Variants in AZIN1 observed in about 807,000 individuals in gnomAD.
AZIN1 encodes the protein antizyme inhibitor 1.
Under a neutral mutation model 47.4 loss-of-function variants are expected in AZIN1, and 12 were observed. The ratio of observed to expected loss-of-function variants is 0.25; its 90% CI spans 0.16 to 0.41. The LOEUF (loss-of-function observed/expected upper bound fraction) is 0.41, where lower values mean the gene tolerates loss of function less well. AZIN1 is among the 10% of genes least tolerant of loss of function. The pLI, the probability that AZIN1 is intolerant of heterozygous loss-of-function variation, is 1.00. For missense variants in AZIN1, 410 were observed against 532.4 expected, an observed-to-expected ratio of 0.77 and a Z score of 2.26; for synonymous variants, 155 against 176.3, an observed-to-expected ratio of 0.88 and a Z score of 0.96.
At chr8:102,834,385 G>C (rs936084983) in intron 7 of AZIN1, 122 bp from the exon 8 acceptor site, 1 of 746,174 alleles carries the variant, frequency 1.3e-6, no homozygotes, top group African/African-American at 1.8e-5. Context: ...CAAATTCTTG[G>C]TTTTTTACTG....
Position 102,845,416 on chromosome 8 carries a change from T to C in AZIN1, c.-95-1669A>G, listed in dbSNP as rs566573024. 2.0e-5 allele frequency among the ~76,000 whole-genome samples: 3 copies of C among 152,324 alleles called. No homozygotes were observed. The South Asian group carries it at 6.2e-4, about 32-fold the overall frequency. ...AGCACAGACTGAAAAGTTTAGGATG[T>C]TTTTATTTTACCAAGTTAATTGAGG... On this transcript the variant is annotated intron_variant, in intron 2 of 11. Transcript: ENST00000337198.
chr8:102,831,169 CTG>C (rs1288821386), intron 9 of AZIN1, among the ~76,000 whole-genome samples: 1 of 151,880 alleles, frequency 6.6e-6, no homozygotes, highest in Non-Finnish European at 1.5e-5. Flanking sequence ...ACGAATTGCT[CTG>C]AGAATAATGG....
chr8:102,858,102 C>G lies in AZIN1; in HGVS notation c.-185G>C, dbSNP rs1359310722. The G allele has an allele frequency of 2.5e-6, 1 of 398,868 alleles. No individual in the cohort carries two copies. Among genetic ancestry groups the G allele is most frequent in the Non-Finnish European group, 4.4e-6 (1 of 226,042 alleles). The allele number at this position is 398,868 out of a possible 1,614,324, so 24.7% of individuals were successfully genotyped here. A position where few individuals can be genotyped will look rare whatever the true frequency, so the allele number is the denominator to read the frequency against. On this transcript the variant is annotated 5_prime_UTR_variant, in exon 2 of 12. Coordinates refer to ENST00000337198, the MANE Select transcript of AZIN1 (RefSeq NM_148174.4). ...AAGTCGAACTGCTCTCTATACAGCA[C>G]TTCTCCTAGGCCCTCTGGGTAGTTG...
intron 3 of AZIN1, among the ~76,000 whole-genome samples, chr8:102,840,550 A>G (rs545052400): frequency 4.1e-4 from 62 of 152,198 alleles, no homozygotes; most frequent in Non-Finnish European, 7.1e-4. Context: ...TAGTCTGCAC[A>G]TGGAGATGTC....
chr8:102,847,871 C>T (rs866683624), intron 2 of AZIN1, among the ~76,000 whole-genome samples: 7 of 152,228 alleles, frequency 4.6e-5, no homozygotes, highest in Admixed American at 1.3e-4. Flanking sequence ...TTGCAATTAC[C>T]GGCATGAGCC....
chr8:102,843,704 C>T lies in AZIN1; in HGVS notation c.-52G>A, dbSNP rs778172674. On this transcript the variant is annotated 5_prime_UTR_variant, in exon 3 of 12. Transcript: ENST00000337198. ...GTCATAAACCAGGAAAGACAAGAGA[C>T]GGGCCACCAAGCCTATGTCTGGGTC... 58 of 1,609,132 alleles carry T rather than the reference C, an allele frequency of 3.6e-5. No individual in the cohort carries two copies. The highest frequency in any genetic ancestry group is 1.6e-4 in the Middle Eastern group (1 of 6,068).
chr8:102,844,032 A>G (rs1196370681), intron 2 of AZIN1, among the ~76,000 whole-genome samples: 1 of 152,252 alleles, frequency 6.6e-6, no homozygotes, highest in African/African-American at 2.4e-5. Flanking sequence ...TTGCAGACCC[A>G]ATCTGTATTA....
chr8:102,861,492 G>A (rs1019199969), intron 1 of AZIN1, among the ~76,000 whole-genome samples: 6 of 151,888 alleles, frequency 4.0e-5, no homozygotes, highest in African/African-American at 1.5e-4. Flanking sequence ...AAAGTGCTGG[G>A]ATTACAGGCT....
chr8:102,828,019 T>A lies in AZIN1; in HGVS notation c.*548A>T, dbSNP rs937382022. The A allele has an allele frequency of 1.3e-5, 2 of 152,654 alleles. No homozygotes were observed. Among genetic ancestry groups the A allele is most frequent in the African/African-American group, 4.8e-5 (2 of 41,456 alleles). The allele number at this position is 152,654 out of a possible 1,614,324, so 9.5% of individuals were successfully genotyped here. On this transcript the variant is annotated 3_prime_UTR_variant, in exon 12 of 12. Coordinates refer to ENST00000337198, the MANE Select transcript of AZIN1 (RefSeq NM_148174.4). ...AAAAAACAGTAAAATCTACACAAAA[T>A]TTTATTGCAATCATACAAGGGTTAC...
chr8:102,859,137 A>G (rs1242751983), intron 1 of AZIN1: 1 of 152,206 alleles, frequency 6.6e-6, no homozygotes, highest in African/African-American at 2.4e-5. Flanking sequence ...ATCTAGGAGA[A>G]GCTGATCACA....
intron 5 of AZIN1, among the ~76,000 whole-genome samples, chr8:102,837,996 C>T (rs368667373): frequency 1.1e-4 from 17 of 152,230 alleles, no homozygotes; most frequent in African/African-American, 3.6e-4. Context: ...TGCAGTGGCT[C>T]GATCTTGGCT....
chr8:102,862,083 T>G (rs1326565961), intron 1 of AZIN1, among the ~76,000 whole-genome samples: 1 of 151,888 alleles, frequency 6.6e-6, no homozygotes, highest in Admixed American at 6.6e-5. Flanking sequence ...GAAGACGATT[T>G]GAAAGGACAA....
chr8:102,834,066 T>A (rs1254519109), intron 8 of AZIN1, 123 bp downstream of exon 8: 4 of 711,192 alleles, frequency 5.6e-6, no homozygotes, highest in Non-Finnish European at 9.2e-6. Flanking sequence ...TCTAAGAACA[T>A]AATTTTAAAG....
At chr8:102,830,655 A>C (rs1230509170) in intron 9 of AZIN1, among the ~76,000 whole-genome samples, 2 of 133,408 alleles carry the variant, frequency 1.5e-5, no homozygotes, top group African/African-American at 5.1e-5. Context: ...AAAAACAAAA[A>C]AAAAAAAGAA....
chr8:102,842,716 A>C (rs1234195097), intron 3 of AZIN1, among the ~76,000 whole-genome samples: 3 of 150,802 alleles, frequency 2.0e-5, no homozygotes, highest in Non-Finnish European at 3.0e-5. Context: ...CAAAAAAAAA[A>C]ACAAAAAACA....
intron 2 of AZIN1, 49 bp from the exon 3 acceptor site, chr8:102,843,796 A>C: frequency 7.8e-7 from 1 of 1,288,684 alleles, no homozygotes. Flanking sequence ...CAATAGACAT[A>C]ATGTACGAGT....
rs185801856 is a variant in AZIN1, at chr8:102,839,581, A to G, written c.276+69T>C. The stretch of plus-strand genomic sequence containing the variant: ...TCAAACTTCCTTGCATTTGTTCTCT[A>G]ACCGCTGTAACTACATTAAGTTAAA... On this transcript the variant is annotated intron_variant, in intron 4 of 11. Coordinates refer to ENST00000337198, the MANE Select transcript of AZIN1 (RefSeq NM_148174.4). 18 of 1,123,510 alleles carry G rather than the reference A, an allele frequency of 1.6e-5. No individual in the cohort carries two copies. The Admixed American group carries it at 3.9e-4, about 24-fold the overall frequency. 69.6% of individuals were successfully genotyped at this position (1,123,510 alleles called of 1,614,324 possible). A position where few individuals can be genotyped will look rare whatever the true frequency, so the allele number is the denominator to read the frequency against.
chr8:102,828,266 C>T lies in AZIN1; in HGVS notation c.*301G>A, dbSNP rs895802480. On this transcript the variant is annotated 3_prime_UTR_variant, in exon 12 of 12. Coordinates refer to ENST00000337198, the MANE Select transcript of AZIN1 (RefSeq NM_148174.4). ...GTATGTAAACGATTTAATGGGGAAC[C>T]CAATTAATGGGCTTCCATCTCCACT... The T allele has an allele frequency of 9.7e-6, 2 of 206,800 alleles. No homozygotes were observed. The highest frequency in any genetic ancestry group is 1.1e-4 in the Admixed American group (2 of 17,464). 12.8% of individuals were successfully genotyped at this position (206,800 alleles called of 1,614,324 possible). A position where few individuals can be genotyped will look rare whatever the true frequency, so the allele number is the denominator to read the frequency against.
intron 1 of AZIN1, among the ~76,000 whole-genome samples, 172 bp downstream of exon 1, chr8:102,863,635 G>A (rs1231858263): frequency 5.4e-5 from 8 of 148,428 alleles, no homozygotes; most frequent in African/African-American, 2.0e-4. Flanking sequence ...CCCCGCCGCC[G>A]CCGCCGCCGC....
Sources: gnomAD v4.1 joint callset for allele counts (sites outside exome capture counted in the v4.1 genomes callset) on GRCh38, gnomAD v4.1.1 for gene constraint, MANE v1.5 for transcripts, NCBI Gene and HGNC (gene_info 2026-07-23, HGNC 2026-07-21) for gene names.